Variants in DPY19L1 observed in about 807,000 individuals in gnomAD.
DPY19L1 encodes dpy-19 like C-mannosyltransferase 1.
DPY19L1 carries 35 observed loss-of-function variants against 96.9 expected under a neutral mutation model. That is an observed-to-expected ratio of 0.36 (90% CI 0.28 to 0.48). DPY19L1 has a LOEUF of 0.48. DPY19L1 is among the 20% of genes least tolerant of loss of function. The pLI is 0.99. For missense variants in DPY19L1, 521 were observed against 777.9 expected, an observed-to-expected ratio of 0.67 and a Z score of 3.93; for synonymous variants, 205 against 252.6, an observed-to-expected ratio of 0.81 and a Z score of 1.79.
intron 13 of DPY19L1, among the ~76,000 whole-genome samples, chr7:34,951,037 A>G (rs1472192041): frequency 6.6e-6 from 1 of 152,150 alleles, no homozygotes; most frequent in Non-Finnish European, 1.5e-5. Flanking sequence ...ATGTCTCACA[A>G]AACTGAATTT....
intron 8 of DPY19L1, 149 bp downstream of exon 8, chr7:34,973,364 CT>C (rs1784766691): frequency 2.4e-6 from 1 of 423,058 alleles, no homozygotes; most frequent in Admixed American, 4.6e-5. Context: ...GTTTTTGATA[CT>C]ATTTTTAAGT....
At position 34,937,624 on chromosome 7, in the gene DPY19L1, C is replaced by A. The variant is rs555136509; in HGVS notation, c.2090+370G>T. Among the ~76,000 whole-genome samples, 3 of 152,074 alleles carry A rather than the reference C, an allele frequency of 2.0e-5. No individual in the cohort carries two copies. The East Asian group carries it at 5.8e-4, about 29-fold the overall frequency. ...TTATAAAGACTATAAAAGAAAGTCT[C>A]CAAATCATTATCTAAAAAGTTTTTT... On this transcript the variant is annotated intron_variant, in intron 21 of 21. Transcript: ENST00000638088.
At position 35,018,599 on chromosome 7, in the gene DPY19L1, G is replaced by T. The variant is rs1435110092; in HGVS notation, c.299-3C>A. ...GTGCAACACTGCTGCAAAAACAGCTGTAAGAAAAAAGAAATTTAAATTAGA... is the reference window on the plus strand; with the variant it reads ...GTGCAACACTGCTGCAAAAACAGCTTTAAGAAAAAAGAAATTTAAATTAGA... On this transcript the variant is annotated splice_polypyrimidine_tract_variant and splice_region_variant and intron_variant, in intron 1 of 21. Coordinates refer to ENST00000638088, the MANE Select transcript of DPY19L1 (RefSeq NM_001366673.1). The T allele has an allele frequency of 1.2e-6, 2 of 1,608,342 alleles. No individual in the cohort carries two copies. The highest frequency in any genetic ancestry group is 2.7e-5 in the African/African-American group (2 of 74,712).
At chr7:35,018,303 ATAAAT>A (rs912515822) in intron 2 of DPY19L1, among the ~76,000 whole-genome samples, 3 of 152,340 alleles carry the variant, frequency 2.0e-5, no homozygotes, top group Non-Finnish European at 4.4e-5. Context: ...AGAAGATTAA[ATAAAT>A]TAATCTCTCT....
chr7:34,953,735 T>A (rs1784316565), intron 13 of DPY19L1, among the ~76,000 whole-genome samples: 1 of 148,804 alleles, frequency 6.7e-6, no homozygotes. Context: ...AATAAATACA[T>A]TTTCAACTAT....
At chr7:34,985,014 T>A (rs750416536) in intron 7 of DPY19L1, among the ~76,000 whole-genome samples, 3 of 152,134 alleles carry the variant, frequency 2.0e-5, no homozygotes, top group African/African-American at 4.8e-5. Flanking sequence ...GAAGGGACTT[T>A]CTTTCTTACC....
intron 7 of DPY19L1, among the ~76,000 whole-genome samples, chr7:34,974,687 A>C (rs10267957): frequency 0.22 from 34,191 of 152,086 alleles, 4,337 homozygotes; most frequent in Non-Finnish European, 0.29. Context: ...TATGATTGAC[A>C]GTAAGATACA....
intron 6 of DPY19L1, among the ~76,000 whole-genome samples, chr7:34,999,210 G>C (rs13310033): frequency 6.6e-5 from 10 of 152,098 alleles, no homozygotes; most frequent in Admixed American, 3.9e-4. Flanking sequence ...AACCCAAAAG[G>C]TGCCAGAGGA....
At chr7:35,001,122 A>C (rs1785416273) in intron 6 of DPY19L1, among the ~76,000 whole-genome samples, 1 of 152,184 alleles carries the variant, frequency 6.6e-6, no homozygotes, top group South Asian at 2.1e-4. Context: ...GGATTAAATG[A>C]GTTTCTGATA....
At chr7:34,959,787 A>C (rs1233229011) in intron 10 of DPY19L1, among the ~76,000 whole-genome samples, 1 of 151,336 alleles carries the variant, frequency 6.6e-6, no homozygotes, top group East Asian at 1.9e-4. Flanking sequence ...TGGGTGCAGC[A>C]AACCACCATG....
At chr7:34,982,149 A>G (rs1408073994) in intron 7 of DPY19L1, among the ~76,000 whole-genome samples, 3 of 152,208 alleles carry the variant, frequency 2.0e-5, no homozygotes, top group Non-Finnish European at 2.9e-5. Context: ...TACGATCCTT[A>G]ATCAGATTCT....
chr7:34,952,132 A>ACCCC (rs1584212648), intron 13 of DPY19L1, among the ~76,000 whole-genome samples: 3 of 133,890 alleles, frequency 2.2e-5, no homozygotes, highest in Middle Eastern at 3.9e-3. Context: ...AAGACCACAA[A>ACCCC]AAAAAAACCC....
chr7:34,994,133 A>G (rs1257195464), intron 6 of DPY19L1, among the ~76,000 whole-genome samples: 4 of 152,214 alleles, frequency 2.6e-5, no homozygotes, highest in African/African-American at 9.6e-5. Context: ...TAGAAATACA[A>G]AGAGAACATG....
intron 7 of DPY19L1, among the ~76,000 whole-genome samples, chr7:34,975,794 T>C (rs1225113465): frequency 6.6e-6 from 1 of 152,150 alleles, no homozygotes; most frequent in Non-Finnish European, 1.5e-5. Context: ...AGAATTACAC[T>C]AAATATACTC....
intron 6 of DPY19L1, among the ~76,000 whole-genome samples, chr7:35,001,325 T>C (rs1011184847): frequency 2.0e-5 from 3 of 152,262 alleles, no homozygotes; most frequent in African/African-American, 7.2e-5. Flanking sequence ...GTGCCTTTCA[T>C]ATATGGCAAC....
chr7:35,038,018 G>A (rs1289085276), upstream of DPY19L1: 18 of 859,016 alleles, frequency 2.1e-5, no homozygotes, highest in Non-Finnish European at 2.4e-5. Context: ...GCAGGGAGAA[G>A]GCGCCCGGAG....
At chr7:34,960,654 G>A (rs942553731) in intron 10 of DPY19L1, among the ~76,000 whole-genome samples, 7 of 152,076 alleles carry the variant, frequency 4.6e-5, no homozygotes, top group Admixed American at 2.0e-4. Flanking sequence ...AGAGGCAGTA[G>A]GCATATTTAC....
chr7:34,998,424 CAG>C (rs926578791), intron 6 of DPY19L1, among the ~76,000 whole-genome samples: 1 of 152,056 alleles, frequency 6.6e-6, no homozygotes, highest in African/African-American at 2.4e-5. Context: ...ACCTCATCGC[CAG>C]AGAGGGGATG....
intron 1 of DPY19L1, among the ~76,000 whole-genome samples, chr7:35,035,012 T>C (rs1172275358): frequency 1.3e-5 from 2 of 152,216 alleles, no homozygotes; most frequent in Non-Finnish European, 2.9e-5. Context: ...GAGTGGTTTT[T>C]TGACGCTGTG....
Sources: allele counts gnomAD v4.1 joint callset (sites outside exome capture counted in the v4.1 genomes callset), GRCh38; gene constraint gnomAD v4.1.1; transcripts MANE v1.5; gene names NCBI Gene and HGNC (gene_info 2026-07-23, HGNC 2026-07-21).